The following METTL16 variants were observed in gnomAD, a reference collection of about 807,000 sequenced individuals.
METTL16 encodes methyltransferase 16, RNA N6-adenosine, also known as RNA N(6)-adenosine-methyltransferase METTL16.
In METTL16, 19 loss-of-function variants were observed where a neutral mutation model predicts 57.9. That is an observed-to-expected ratio of 0.33 (90% CI 0.23 to 0.48). The LOEUF (loss-of-function observed/expected upper bound fraction) is 0.48. Among genes scored for constraint, METTL16 ranks in the 20% least tolerant of loss-of-function variants. The pLI, the probability that METTL16 is intolerant of heterozygous loss-of-function variation, is 0.99. For missense variants in METTL16, 434 were observed against 691.5 expected (o/e 0.63, Z 4.18); for synonymous variants, 246 against 255.6 (o/e 0.96, Z 0.36).
intron 6 of METTL16, among the ~76,000 whole-genome samples, chr17:2,446,591 G>GCTCTCCCTCTCCCTCTCCCTCTCC (rs372024803): frequency 6.9e-4 from 99 of 142,740 alleles, no homozygotes; most frequent in African/African-American, 2.6e-3. Flanking sequence ...GAGCATCCTG[G>GCTCTCCCTCTCCCTCTCCCTCTCC]CTCTCCCTCT....
At chr17:2,459,556 G>GA (rs1260413291) in intron 6 of METTL16, among the ~76,000 whole-genome samples, 1 of 152,180 alleles carries the variant, frequency 6.6e-6, no homozygotes, top group African/African-American at 2.4e-5. Flanking sequence ...GGGACAAGGA[G>GA]AAAAACATTC....
intron 2 of METTL16, among the ~76,000 whole-genome samples, chr17:2,486,620 T>C (rs1348164906): frequency 6.6e-6 from 1 of 152,020 alleles, no homozygotes; most frequent in East Asian, 1.9e-4. Context: ...TAGAATAAAG[T>C]TGGAACAAAG....
intron 6 of METTL16, among the ~76,000 whole-genome samples, chr17:2,457,643 G>A (rs936944839): frequency 2.0e-5 from 3 of 151,458 alleles, no homozygotes; most frequent in Admixed American, 6.6e-5. Context: ...AGGAGACGGC[G>A]GAGGTTGCGG....
intron 6 of METTL16, among the ~76,000 whole-genome samples, chr17:2,449,566 T>C (rs1472622428): frequency 6.6e-6 from 1 of 152,160 alleles, no homozygotes; most frequent in Non-Finnish European, 1.5e-5. Context: ...GGATTTATAC[T>C]GCCAGATTTC....
chr17:2,502,545 G>A (rs532614390), intron 1 of METTL16, among the ~76,000 whole-genome samples: 3 of 152,150 alleles, frequency 2.0e-5, no homozygotes, highest in South Asian at 2.1e-4. Flanking sequence ...CCAAGTAGCC[G>A]AGCATGGTGG....
chr17:2,446,272 A>G (rs952572583), intron 6 of METTL16, among the ~76,000 whole-genome samples: 5 of 152,208 alleles, frequency 3.3e-5, no homozygotes, highest in African/African-American at 1.2e-4. Flanking sequence ...ACTTCTATTC[A>G]AAATTGTGCT....
chr17:2,468,863 G>C (rs371203602), intron 4 of METTL16, among the ~76,000 whole-genome samples: 99 of 152,210 alleles, frequency 6.5e-4, no homozygotes, highest in African/African-American at 2.4e-3. Context: ...ACACCGGCAT[G>C]GATGACAGAG....
chr17:2,489,913 C>T (rs906811738), intron 2 of METTL16, among the ~76,000 whole-genome samples: 1 of 151,794 alleles, frequency 6.6e-6, no homozygotes, highest in Admixed American at 6.6e-5. Flanking sequence ...ATGGAATTGG[C>T]TAAATAAGCT....
At chr17:2,439,266 C>T (rs1453239241) in intron 7 of METTL16, among the ~76,000 whole-genome samples, 2 of 152,106 alleles carry the variant, frequency 1.3e-5, no homozygotes, top group African/African-American at 2.4e-5. Context: ...CGCGCCATCA[C>T]ACTTGGCTAA....
chr17:2,510,870 C>T (rs961809883), intron 1 of METTL16, among the ~76,000 whole-genome samples: 4 of 152,052 alleles, frequency 2.6e-5, no homozygotes, highest in African/African-American at 9.7e-5. Context: ...GGCTTTGCTA[C>T]CCAGGCTCTA....
intron 6 of METTL16, among the ~76,000 whole-genome samples, chr17:2,449,025 CAA>C (rs576780337): frequency 6.7e-5 from 6 of 89,160 alleles, no homozygotes; most frequent in Non-Finnish European, 7.0e-5. Flanking sequence ...GACTCCGTCT[CAA>C]AAAAAAAAAA....
intron 2 of METTL16, among the ~76,000 whole-genome samples, chr17:2,499,825 T>C (rs1402915994): frequency 6.6e-6 from 1 of 151,994 alleles, no homozygotes; most frequent in Non-Finnish European, 1.5e-5. Context: ...ATGATCTCGG[T>C]TCACTAAAAC....
intron 8 of METTL16, among the ~76,000 whole-genome samples, chr17:2,427,660 C>T (rs1191104100): frequency 6.6e-6 from 1 of 151,852 alleles, no homozygotes; most frequent in Non-Finnish European, 1.5e-5. Context: ...CCAGGCTGGC[C>T]TCAAACACCT....
At chr17:2,489,726 G>A (rs539118818) in intron 2 of METTL16, among the ~76,000 whole-genome samples, 13 of 1,496 alleles carry the variant, frequency 8.7e-3, no homozygotes, top group East Asian at 0.04. Context: ...ATGACAGAGC[G>A]AGACTCAAAA....
At chr17:2,501,544 T>C (rs1469074142) in intron 2 of METTL16, among the ~76,000 whole-genome samples, 2 of 152,160 alleles carry the variant, frequency 1.3e-5, no homozygotes, top group South Asian at 4.1e-4. Context: ...CTGCCTCACA[T>C]CAAAATAAAC....
intron 8 of METTL16, among the ~76,000 whole-genome samples, chr17:2,422,849 T>TG (rs57790493): frequency 1 from 152,074 of 152,086 alleles, 76,031 homozygotes; most frequent in Non-Finnish European, 1. Context: ...CCGGGTGTGG[T>TG]GGCCGCGCCT....
intron 5 of METTL16, among the ~76,000 whole-genome samples, 168 bp downstream of exon 5, chr17:2,467,593 T>C (rs1383825419): frequency 6.6e-6 from 1 of 152,146 alleles, no homozygotes; most frequent in Non-Finnish European, 1.5e-5. Flanking sequence ...GCCTGGCTAA[T>C]TTTTTTGTAT....
At chr17:2,444,444 T>C (rs569068460) in intron 6 of METTL16, among the ~76,000 whole-genome samples, 1 of 152,042 alleles carries the variant, frequency 6.6e-6, no homozygotes, top group African/African-American at 2.4e-5. Flanking sequence ...AGCGAGACTC[T>C]GTCTCAAAAT....
chr17:2,495,000 G>A (rs536877122), intron 2 of METTL16, among the ~76,000 whole-genome samples: 1 of 151,538 alleles, frequency 6.6e-6, no homozygotes, highest in African/African-American at 2.4e-5. Flanking sequence ...ACAGATCTAG[G>A]CAAAGTAAAT....
Sources: allele counts gnomAD v4.1 joint callset (sites outside exome capture counted in the v4.1 genomes callset), GRCh38; gene constraint gnomAD v4.1.1; transcripts MANE v1.5; gene names NCBI Gene and HGNC (gene_info 2026-07-23, HGNC 2026-07-21).